GGT5: variants seen among roughly 807,000 people sequenced by gnomAD.
The protein encoded by GGT5 is gamma-glutamyltransferase 5, also known as glutathione hydrolase 5 proenzyme.
Under a neutral mutation model 58.1 loss-of-function variants are expected in GGT5, and 50 were observed. The observed-to-expected ratio is 0.86, with a 90% CI of 0.69 to 1.09. The LOEUF is 1.09. Among genes scored for constraint, GGT5 ranks in the 50% least tolerant of loss-of-function variants. The probability of loss-of-function intolerance (pLI) is 0.00; values close to 1 mark genes in which losing one functional copy is unlikely to be tolerated. For synonymous variants in GGT5, 370 were observed against 346.1 expected (o/e 1.07, Z -0.77); for missense variants, 800 against 789.4 (o/e 1.01, Z -0.16).
chr22:24,226,795 T>C (rs540350930), intron 6 of GGT5, 28 bp from the exon 7 acceptor site: 1 of 1,611,942 alleles, frequency 6.2e-7, no homozygotes, highest in South Asian at 1.1e-5. Flanking sequence ...CACAGGTTGG[T>C]TGGGGTCACC....
intron 6 of GGT5, among the ~76,000 whole-genome samples, chr22:24,228,072 C>CAAAAAAAAAAAAAAAAAAAAAAAAAA (rs1183981939): frequency 1.9e-5 from 1 of 51,868 alleles, no homozygotes; most frequent in Non-Finnish European, 3.9e-5. Flanking sequence ...AAAAACAAAA[C>CAAAAAAAAAAAAAAAAAAAAAAAAAA]AAAAAAAAAA....
chr22:24,238,815 A>T (rs142642756), intron 1 of GGT5, among the ~76,000 whole-genome samples: 2,294 of 3,974 alleles, frequency 0.58, 377 homozygotes, highest in Middle Eastern at 0.62. Flanking sequence ...ATAATATATT[A>T]TATATATATA....
At chr22:24,243,959 A>G (rs1340239461) in intron 1 of GGT5, 2 of 152,850 alleles carry the variant, frequency 1.3e-5, no homozygotes, top group Non-Finnish European at 2.9e-5. Flanking sequence ...CCAGCAGGCC[A>G]GTACCCACGC....
intron 11 of GGT5, among the ~76,000 whole-genome samples, chr22:24,222,634 A>G (rs1036422646): frequency 6.6e-6 from 1 of 152,176 alleles, no homozygotes; most frequent in African/African-American, 2.4e-5. Context: ...CAACTCCCCA[A>G]GGGAGCTGAG....
At chr22:24,225,757 G>A (rs534493457) in intron 8 of GGT5, 105 bp from the exon 9 acceptor site, 23 of 732,212 alleles carry the variant, frequency 3.1e-5, no homozygotes, top group African/African-American at 2.6e-4. Flanking sequence ...CAGCTGCCCC[G>A]AAGCATGCTG....
intron 2 of GGT5, 91 bp downstream of exon 2, chr22:24,233,782 CG>C: frequency 1.5e-6 from 2 of 1,298,828 alleles, no homozygotes; most frequent in Non-Finnish European, 2.2e-6. Context: ...CACCCAGAAA[CG>C]GGCTTGAGTT....
At chr22:24,229,059 A>G (rs2047861295) in intron 6 of GGT5, among the ~76,000 whole-genome samples, 1 of 151,112 alleles carries the variant, frequency 6.6e-6, no homozygotes, top group Admixed American at 6.6e-5. Flanking sequence ...ATTGCACTCC[A>G]CTCCAGCCTG....
intron 8 of GGT5, 123 bp downstream of exon 8, chr22:24,225,953 G>A: frequency 1.4e-6 from 1 of 700,040 alleles, no homozygotes; most frequent in Non-Finnish European, 2.3e-6. Flanking sequence ...AAATAGAGGA[G>A]GAGAAAAAGG....
chr22:24,244,440 A>G (rs2048415790), intron 1 of GGT5, 113 bp downstream of exon 1: 1 of 887,970 alleles, frequency 1.1e-6, no homozygotes. Flanking sequence ...ATACCCAGAC[A>G]CTCACACACA....
intron 6 of GGT5, 43 bp from the exon 7 acceptor site, chr22:24,226,810 G>A: frequency 1.3e-6 from 2 of 1,578,412 alleles, no homozygotes; most frequent in Non-Finnish European, 1.7e-6. Flanking sequence ...GTCACCCTAT[G>A]TAATGGGTTG....
chr22:24,229,271 G>A (rs2047867426), intron 6 of GGT5, among the ~76,000 whole-genome samples: 1 of 151,608 alleles, frequency 6.6e-6, no homozygotes, highest in African/African-American at 2.4e-5. Flanking sequence ...ATTAGTTGTG[G>A]TGGCAGGCGC....
At chr22:24,221,508 G>GT (rs567114165) in intron 11 of GGT5, among the ~76,000 whole-genome samples, 10 of 152,130 alleles carry the variant, frequency 6.6e-5, no homozygotes, top group African/African-American at 2.2e-4. Flanking sequence ...ATTTCCAGGG[G>GT]TTTTTTGTGT....
rs1013981159 is a variant in GGT5 at position 24,231,007 on chromosome 22, A to AC, written c.901+376dup. ...AGCCCCAGGCCTCAGCACTGCCAGA[A>AC]CCCCCCTGCAGGCTGCCTTGGGCTA... is the stretch of plus-strand genomic sequence containing the variant. On this transcript the variant is annotated intron_variant, in intron 6 of 11. Transcript: ENST00000327365. Among the ~76,000 whole-genome samples, 25 of 151,976 alleles carry AC rather than the reference A, an allele frequency of 1.6e-4. 2 individuals are homozygous for AC. The highest frequency in any genetic ancestry group is 1.5e-3 in the Admixed American group (23 of 15,230).
chr22:24,221,564 G>A (rs956027198), intron 11 of GGT5, among the ~76,000 whole-genome samples: 13 of 152,318 alleles, frequency 8.5e-5, no homozygotes, highest in East Asian at 1.9e-4. Context: ...CCATGCTGGC[G>A]TGCAATGGCA....
chr22:24,232,130 C>T lies in GGT5; in HGVS notation c.675G>A (p.Glu225=). ...CCTCCACGCCCTCTGTGGCCACGGTCTCCAGGGTGGTGGCCAGTGCAGGCC... is the reference window on the plus strand; with the variant it reads ...CCTCCACGCCCTCTGTGGCCACGGTTTCCAGGGTGGTGGCCAGTGCAGGCC... The part of the protein sequence containing the change: ...LPWPALATTL[E]TVATEGVEVF... The change falls in exon 5 of 12, where the codon GAG becomes GAA. Residue 225 remains glutamate (E), a synonymous_variant. Transcript: ENST00000327365. The T allele has an allele frequency of 1.2e-6, 2 of 1,608,860 alleles. No individual in the cohort carries two copies. The highest frequency in any genetic ancestry group is 2.2e-5 in the South Asian group (2 of 90,248).
intron 1 of GGT5, among the ~76,000 whole-genome samples, chr22:24,240,756 G>T (rs2048305271): frequency 6.6e-6 from 1 of 152,082 alleles, no homozygotes; most frequent in East Asian, 1.9e-4. Flanking sequence ...ACCTCCCAAA[G>T]TGCCAATTAC....
At chr22:24,238,903 ATATTATATATATTATATATAT>A (rs2048234415) in intron 1 of GGT5, among the ~76,000 whole-genome samples, 1 of 14,984 alleles carries the variant, frequency 6.7e-5, no homozygotes, top group African/African-American at 2.9e-4. Context: ...ATATATATAT[ATATTATATATATTATATATAT>A]AATATATATT....
At chr22:24,241,752 CAT>C (rs1052183429) in intron 1 of GGT5, 5 of 150,676 alleles carry the variant, frequency 3.3e-5, no homozygotes, top group African/African-American at 1.2e-4. Flanking sequence ...TTATATAAAA[CAT>C]ATAATTATAG....
chr22:24,225,434 G>A, intron 9 of GGT5, 23 bp from the exon 10 acceptor site: 1 of 1,606,386 alleles, frequency 6.2e-7, no homozygotes, highest in Non-Finnish European at 8.5e-7. Flanking sequence ...CAGCGTCTTG[G>A]CAAGTGCAGT....
Sources: allele counts gnomAD v4.1 joint callset (sites outside exome capture counted in the v4.1 genomes callset), GRCh38; gene constraint gnomAD v4.1.1; transcripts MANE v1.5; gene names NCBI Gene and HGNC (gene_info 2026-07-23, HGNC 2026-07-21).